The following IRF8 variants were observed in gnomAD, a reference collection of about 807,000 sequenced individuals.
IRF8 encodes interferon regulatory factor 8, also known as interferon consensus sequence binding protein 1.
Under a neutral mutation model 48.7 loss-of-function variants are expected in IRF8, and 14 were observed. The ratio of observed to expected loss-of-function variants is 0.29; its 90% CI spans 0.19 to 0.45. The LOEUF (loss-of-function observed/expected upper bound fraction) is 0.45, where lower values mean the gene tolerates loss of function less well. Among genes scored for constraint, IRF8 ranks in the 20% least tolerant of loss-of-function variants. The probability of loss-of-function intolerance (pLI) is 1.00; values close to 1 mark genes in which losing one functional copy is unlikely to be tolerated. For missense variants in IRF8, 493 were observed against 580.7 expected (o/e 0.85, Z 1.55); for synonymous variants, 278 against 227.3 (o/e 1.22, Z -2.01).
intron 1 of IRF8, among the ~76,000 whole-genome samples, chr16:85,901,796 C>T (rs1006887317): frequency 2.6e-5 from 4 of 152,072 alleles, no homozygotes; most frequent in Admixed American, 1.3e-4. Flanking sequence ...TGTGAAGGTT[C>T]TGATTGATAT....
Position 85,920,269 on chromosome 16 carries a change from T to C in IRF8, c.1104+45T>C, listed in dbSNP as rs770165925. 8.2e-6 allele frequency: 9 copies of C among 1,092,064 alleles called. No homozygotes were observed. The African/African-American group carries it at 1.5e-4, about 18-fold the overall frequency. 67.6% of individuals were successfully genotyped at this position (1,092,064 alleles called of 1,614,324 possible). On this transcript the variant is annotated intron_variant, in intron 8 of 8. Transcript: ENST00000268638. Reference sequence around the variant, plus strand: ...TTTTTTTTTTTTTTTTTTTTTGAGATGGAGTCTTGCTCTGTTGCCCAGGCT... The same window carrying C: ...TTTTTTTTTTTTTTTTTTTTTGAGACGGAGTCTTGCTCTGTTGCCCAGGCT...
intron 1 of IRF8, among the ~76,000 whole-genome samples, chr16:85,899,507 G>A (rs569009657): frequency 6.6e-6 from 1 of 152,284 alleles, no homozygotes; most frequent in Admixed American, 6.5e-5. Context: ...CATGGAAAAC[G>A]TTAGGAGAGC....
chr16:85,915,810 G>A (rs1017752827), intron 6 of IRF8, among the ~76,000 whole-genome samples: 4 of 152,222 alleles, frequency 2.6e-5, no homozygotes, highest in Non-Finnish European at 4.4e-5. Context: ...GTGAGATGCA[G>A]AGGCACAATT....
chr16:85,901,507 A>G (rs1164385941), intron 1 of IRF8, among the ~76,000 whole-genome samples: 1 of 152,132 alleles, frequency 6.6e-6, no homozygotes, highest in Non-Finnish European at 1.5e-5. Flanking sequence ...AGTTCCAGGT[A>G]CTCAAGGGGC....
chr16:85,914,172 GT>G (rs1905227470), intron 5 of IRF8: 2 of 451,492 alleles, frequency 4.4e-6, no homozygotes, highest in Non-Finnish European at 4.1e-6. Context: ...TATTCTGGGG[GT>G]AAGTGCTTGA....
rs773542186 is a variant in IRF8, at chr16:85,921,137, A to G, written c.1136A>G (p.Glu379Gly). Residue 379 changes from glutamate to glycine, a missense_variant, in exon 9 of 9, where the codon GAA becomes GGA. Around this residue, in one of 3 missense-constraint regions of IRF8, gnomAD observed 408 missense variants for 449.6 expected, o/e 0.91. Transcript: ENST00000268638. ...IEQLYVRQLAEEAGKSCGAGS... is the reference protein window; with the variant it reads ...IEQLYVRQLAGEAGKSCGAGS... ...CAGCTGTATGTCCGGCAACTGGCAG[A>G]AGAGGCTGGGAAGAGCTGTGGAGCC... 1 of 1,614,054 alleles carries G rather than the reference A, an allele frequency of 6.2e-7. No homozygotes were observed. The highest frequency in any genetic ancestry group is 8.5e-7 in the Non-Finnish European group (1 of 1,179,980).
intron 3 of IRF8, among the ~76,000 whole-genome samples, chr16:85,910,115 C>G (rs1367536223): frequency 6.6e-6 from 1 of 152,120 alleles, no homozygotes; most frequent in Non-Finnish European, 1.5e-5. Context: ...GTGATTCAAA[C>G]AAATCTATAG....
At chr16:85,913,006 C>T in intron 4 of IRF8, 125 bp from the exon 5 acceptor site, 1 of 812,614 alleles carries the variant, frequency 1.2e-6, no homozygotes, top group Non-Finnish European at 2.2e-6. Context: ...TGACTTTTGT[C>T]TCCTGAGATA....
At chr16:85,903,897 A>G (rs139356361) in intron 2 of IRF8, among the ~76,000 whole-genome samples, 2 of 152,344 alleles carry the variant, frequency 1.3e-5, no homozygotes, top group African/African-American at 2.4e-5. Context: ...TGACGGAGCC[A>G]GCATTCAGAT....
rs1044513817 is a variant in IRF8, at chr16:85,913,061, A to G, written c.448-70A>G. The G allele has an allele frequency of 1.1e-5, 12 of 1,068,524 alleles. No homozygotes were observed. The African/African-American group carries it at 1.9e-4, about 17-fold the overall frequency. 66.2% of individuals were successfully genotyped at this position (1,068,524 alleles called of 1,614,324 possible). A position where few individuals can be genotyped will look rare whatever the true frequency, so the allele number is the denominator to read the frequency against. On this transcript the variant is annotated intron_variant, in intron 4 of 8. Coordinates refer to ENST00000268638, the MANE Select transcript of IRF8 (RefSeq NM_002163.4). ...ACTTACACATGAACTGTTCATTTTT[A>G]CAAACACTGGAGCCCCAGGTGGGAG...
At position 85,918,588 on chromosome 16, in the gene IRF8, T is replaced by TC; in HGVS notation, c.777dup (p.Ser260GlnfsTer57). On this transcript the variant is annotated frameshift_variant, in exon 7 of 9. Coordinates refer to ENST00000268638, the MANE Select transcript of IRF8 (RefSeq NM_002163.4). LOFTEE classifies it high-confidence loss of function. ...GTGCGCTTCCCGCCGGCCGACGCCA[T>TC]CCCCAGCGAGCGACAGAGGCAGGTG... 1 of 1,606,578 alleles carries TC rather than the reference T, an allele frequency of 6.2e-7. No individual in the cohort carries two copies. The highest frequency in any genetic ancestry group is 8.5e-7 in the Non-Finnish European group (1 of 1,179,342).
chr16:85,906,110 C>G (rs1005556798), intron 2 of IRF8, among the ~76,000 whole-genome samples: 1 of 152,128 alleles, frequency 6.6e-6, no homozygotes. Flanking sequence ...TTCCAGGCAT[C>G]GTAACAGTCC....
At chr16:85,914,217 T>G in intron 5 of IRF8, 1 of 541,184 alleles carries the variant, frequency 1.8e-6, no homozygotes, top group Non-Finnish European at 3.4e-6. Flanking sequence ...CAGTGTCACA[T>G]TGACACATGG....
chr16:85,906,507 G>C (rs1028965965), intron 2 of IRF8, among the ~76,000 whole-genome samples: 3 of 152,244 alleles, frequency 2.0e-5, no homozygotes, highest in Non-Finnish European at 4.4e-5. Context: ...CGGCAAGCCA[G>C]GTACCCGATG....
chr16:85,919,429 T>C (rs1643799957), intron 7 of IRF8, among the ~76,000 whole-genome samples: 1 of 152,002 alleles, frequency 6.6e-6, no homozygotes, highest in African/African-American at 2.4e-5. Context: ...TAGTGTCAGG[T>C]CTCAGCTGCC....
At position 85,918,413 on chromosome 16, in the gene IRF8, A is replaced by G. The variant is rs1309869454; in HGVS notation, c.602-4A>G. 1 of 1,594,988 alleles carries G rather than the reference A, an allele frequency of 6.3e-7. No individual in the cohort carries two copies. Among genetic ancestry groups the G allele is most frequent in the East Asian group, 2.2e-5 (1 of 44,812 alleles). On this transcript the variant is annotated splice_polypyrimidine_tract_variant and splice_region_variant and intron_variant, in intron 6 of 8. Coordinates refer to ENST00000268638, the MANE Select transcript of IRF8 (RefSeq NM_002163.4). ...CACCGTCATCGTGTCCCTCTTGTCC[A>G]CAGCATTCTCCCAGATGGTGATCAG...
intron 3 of IRF8, among the ~76,000 whole-genome samples, chr16:85,911,074 G>A (rs547011162): frequency 2.2e-4 from 34 of 152,294 alleles, no homozygotes; most frequent in African/African-American, 7.0e-4. Context: ...CGGTGTGTGT[G>A]TGTGCATGGC....
intron 1 of IRF8, 113 bp downstream of exon 1, chr16:85,899,336 G>C (rs980694789): frequency 1.3e-5 from 2 of 152,270 alleles, no homozygotes; most frequent in African/African-American, 4.8e-5. Context: ...GTCCCCGGGC[G>C]CAGCTCAGTG....
intron 3 of IRF8, chr16:85,909,648 G>C: frequency 5.4e-6 from 1 of 185,802 alleles, no homozygotes; most frequent in Non-Finnish European, 1.1e-5. Flanking sequence ...ATTGTTATTT[G>C]GGAACTCCGG....
Sources: allele counts gnomAD v4.1 joint callset (sites outside exome capture counted in the v4.1 genomes callset), GRCh38; gene constraint gnomAD v4.1.1; regional missense constraint gnomAD v4.1.1; transcripts MANE v1.5; gene names NCBI Gene and HGNC (gene_info 2026-07-23, HGNC 2026-07-21).